The following FAM186B variants were observed in gnomAD, a reference collection of about 807,000 sequenced individuals.
FAM186B encodes the protein protein FAM186B.
In FAM186B, 68 loss-of-function variants were observed where a neutral mutation model predicts 83.4. That is an observed-to-expected ratio of 0.81 (90% CI 0.67 to 1.00). The LOEUF is 1.00. Ranked by LOEUF, FAM186B falls within the 50% of genes least tolerant of loss-of-function variation. The pLI is 0.00. For synonymous variants in FAM186B, 389 were observed against 422.0 expected (o/e 0.92, Z 0.96); for missense variants, 983 against 1,099.2 (o/e 0.89, Z 1.49).
At chr12:49,613,213 G>A in the FAM186B span, among the ~76,000 whole-genome samples, 3 of 152,164 alleles carry the variant, frequency 2.0e-5, no homozygotes, top group African/African-American at 7.2e-5. Flanking sequence ...AATGTTTACA[G>A]CACTAAATGC....
upstream of FAM186B, chr12:49,605,758 CTTTTT>C (rs1222575062): frequency 4.0e-4 from 60 of 150,896 alleles, no homozygotes; most frequent in South Asian, 1.4e-3. Context: ...GTTGCCTTTT[CTTTTT>C]TTTTTTTTTT....
At chr12:49,598,071 A>G (rs1162483675) in intron 5 of FAM186B, among the ~76,000 whole-genome samples, 2 of 152,182 alleles carry the variant, frequency 1.3e-5, no homozygotes, top group Non-Finnish European at 2.9e-5. Context: ...AAGCAAACAC[A>G]TTTTGAGGGA....
At chr12:49,598,703 T>C in intron 5 of FAM186B, 52 bp downstream of exon 5, 1 of 1,532,900 alleles carries the variant, frequency 6.5e-7, no homozygotes, top group Admixed American at 2.0e-5. Flanking sequence ...GCCGACTGGC[T>C]GTGCTGACCC....
Position 49,603,342 on chromosome 12 carries a change from C to T in FAM186B, c.348G>A (p.Gly116=), listed in dbSNP as rs1239869518. 1.2e-6 allele frequency: 2 copies of T among 1,614,154 alleles called. No individual in the cohort carries two copies. The highest frequency in any genetic ancestry group is 1.1e-5 in the South Asian group (1 of 91,078). The change falls in exon 3 of 7, where the codon GGG becomes GGA. Residue 116 remains glycine (G), a synonymous_variant. Transcript: ENST00000257894. ...DWGDTLTYEI[G]PRKSEEEAAA... is the part of the protein sequence containing the mutation. ...CTGCTTCCTCTTCACTCTTCCTGGG[C>T]CCAATCTCATAGGTCAGAGTGTCAC...
chr12:49,611,837 G>A, the FAM186B span, among the ~76,000 whole-genome samples: 407 of 144,782 alleles, frequency 2.8e-3, 1 homozygote, highest in African/African-American at 9.9e-3. Context: ...CCAGCATGAC[G>A]AAAGAGCGAA....
At chr12:49,619,613 T>C in the FAM186B span, 13 of 611,176 alleles carry the variant, frequency 2.1e-5, no homozygotes, top group Middle Eastern at 4.8e-4. Flanking sequence ...ACCTACACCG[T>C]AGAAGAAATG....
intron 5 of FAM186B, chr12:49,593,102 C>T (rs191564649): frequency 2.0e-5 from 3 of 152,214 alleles, no homozygotes; most frequent in African/African-American, 7.2e-5. Flanking sequence ...TATAGAGACA[C>T]AGTGCTCACT....
chr12:49,619,455 C>T, the FAM186B span: 3 of 606,970 alleles, frequency 4.9e-6, no homozygotes, highest in African/African-American at 5.7e-5. Context: ...GCAATTGTTG[C>T]ATATGTATTA....
downstream of FAM186B, chr12:49,584,299 A>G (rs1939395038): frequency 1.8e-6 from 1 of 559,548 alleles, no homozygotes; most frequent in Non-Finnish European, 3.2e-6. Flanking sequence ...ACCAACCTCT[A>G]TTTTATTAAA....
chr12:49,583,085 G>A (rs1297704410), downstream of FAM186B: 3 of 456,114 alleles, frequency 6.6e-6, 1 homozygote, highest in Non-Finnish European at 1.3e-5. Context: ...CAGCCACCAG[G>A]CCCCTTAAGC....
chr12:49,605,200 AC>A, intron 1 of FAM186B, 181 bp downstream of exon 1: 1 of 1,428,396 alleles, frequency 7.0e-7, no homozygotes, highest in East Asian at 2.6e-5. Flanking sequence ...CTTTCAGCTC[AC>A]CCTGTATATG....
the FAM186B span, among the ~76,000 whole-genome samples, chr12:49,613,397 G>C: frequency 6.9e-4 from 104 of 151,708 alleles, no homozygotes; most frequent in East Asian, 8.9e-3. Flanking sequence ...TGTGGTGGTG[G>C]GCGCCTGTAG....
the FAM186B span, among the ~76,000 whole-genome samples, chr12:49,619,052 G>A: frequency 1.3e-5 from 2 of 152,246 alleles, no homozygotes; most frequent in African/African-American, 2.4e-5. Flanking sequence ...AGCAGTGTCA[G>A]AAGCTAGAAG....
chr12:49,619,800 G>C, the FAM186B span, among the ~76,000 whole-genome samples: 1 of 149,036 alleles, frequency 6.7e-6, no homozygotes, highest in Admixed American at 6.9e-5. Flanking sequence ...TCAGCCTCCT[G>C]AGTAGCTAGG....
intron 4 of FAM186B, 31 bp downstream of exon 4, chr12:49,599,438 G>A: frequency 6.6e-7 from 1 of 1,509,908 alleles, no homozygotes; most frequent in Non-Finnish European, 8.8e-7. Context: ...TGCAGCAGGT[G>A]GGTGCCAGGT....
the FAM186B span, among the ~76,000 whole-genome samples, chr12:49,621,813 T>C: frequency 6.6e-6 from 1 of 152,174 alleles, no homozygotes; most frequent in Non-Finnish European, 1.5e-5. Flanking sequence ...CAAATCCCCT[T>C]GGACCCCTTG....
chr12:49,600,854 C>G lies in FAM186B; in HGVS notation c.786G>C (p.Arg262Ser). The stretch of plus-strand genomic sequence containing the variant: ...CTTTGGTCGCCTGCATTTGCAGGTG[C>G]CTGTATTTGGTCTCCAGGCTCCTGT... ...KENRSLETKY[R>S]HLQMQATKEL... is the part of the protein sequence containing the mutation. The change falls in exon 4 of 7, where the codon AGG becomes AGC. Residue 262 changes from arginine to serine, a missense_variant. Physicochemically the swap from Arg to Ser is moderately radical, Grantham distance 110. Transcript: ENST00000257894. The surrounding 1 kb of genome is among the most constrained non-coding windows in gnomAD (Gnocchi z 4.3). 6.2e-7 allele frequency: 1 copy of G among 1,613,152 alleles called. No homozygotes were observed. The highest frequency in any genetic ancestry group is 8.5e-7 in the Non-Finnish European group (1 of 1,179,704).
At chr12:49,617,572 A>G in the FAM186B span, among the ~76,000 whole-genome samples, 40 of 152,294 alleles carry the variant, frequency 2.6e-4, no homozygotes, top group African/African-American at 9.6e-4. Context: ...ATTAGTACAC[A>G]TTTACATTAT....
upstream of FAM186B, chr12:49,605,665 T>C: frequency 1.8e-6 from 1 of 545,174 alleles, no homozygotes; most frequent in South Asian, 2.6e-5. Context: ...AGTGACATCA[T>C]CAGTTTGATT....
Sources: allele counts gnomAD v4.1 joint callset (sites outside exome capture counted in the v4.1 genomes callset), GRCh38; gene constraint gnomAD v4.1.1; non-coding constraint Gnocchi (gnomAD v3.1); transcripts MANE v1.5; gene names NCBI Gene and HGNC (gene_info 2026-07-23, HGNC 2026-07-21).